Variants in INTS9 observed in about 807,000 individuals in gnomAD.
INTS9 encodes protein related to CPSF subunits of 74 kDa.
A neutral mutation model predicts 79.7 loss-of-function variants in INTS9; 55 were observed. The observed-to-expected ratio is 0.69, with a 90% CI of 0.56 to 0.86. The LOEUF (loss-of-function observed/expected upper bound fraction) is 0.86, where lower values mean the gene tolerates loss of function less well. Among genes scored for constraint, INTS9 ranks in the 40% least tolerant of loss-of-function variants. The pLI is 0.00. For missense variants in INTS9, 721 were observed against 831.5 expected (o/e 0.87, Z 1.64); for synonymous variants, 319 against 325.2 (o/e 0.98, Z 0.20).
At chr8:28,864,145 C>T (rs1042537167) in intron 1 of INTS9, among the ~76,000 whole-genome samples, 23 of 152,072 alleles carry the variant, frequency 1.5e-4, no homozygotes, top group African/African-American at 4.8e-4. Flanking sequence ...GAGTTCCAGG[C>T]GAGTCTGGAC....
At chr8:28,771,188 A>G in intron 14 of INTS9, 108 bp from the exon 15 acceptor site, 1 of 918,748 alleles carries the variant, frequency 1.1e-6, no homozygotes, top group South Asian at 1.4e-5. Context: ...AATAACTTTA[A>G]AGGTAAACAA....
chr8:28,812,535 A>T (rs1314090696), intron 7 of INTS9, 74 bp from the exon 8 acceptor site: 1 of 1,498,618 alleles, frequency 6.7e-7, no homozygotes, highest in African/African-American at 1.4e-5. Context: ...TGCAGGGAAA[A>T]ACAACAGAAA....
At chr8:28,814,439 A>G (rs895119694) in intron 6 of INTS9, among the ~76,000 whole-genome samples, 15 of 152,204 alleles carry the variant, frequency 9.9e-5, no homozygotes, top group African/African-American at 3.6e-4. Context: ...TAGGCCCAGG[A>G]AAGTTCAATG....
At position 28,813,484 on chromosome 8, in the gene INTS9, A is replaced by C. The variant is rs1225620621; in HGVS notation, c.609+8T>G. ...CATGAATAACTGAAATGTAATATGA[A>C]TACTCACAATTTTCTGAGAATATCC... On this transcript the variant is annotated splice_region_variant and intron_variant, in intron 7 of 16. Transcript: ENST00000521022. 1 of 1,612,110 alleles carries C rather than the reference A, an allele frequency of 6.2e-7. No homozygotes were observed. The highest frequency in any genetic ancestry group is 1.3e-5 in the African/African-American group (1 of 74,894).
At chr8:28,842,419 C>T (rs1807246234) in intron 4 of INTS9, among the ~76,000 whole-genome samples, 1 of 152,128 alleles carries the variant, frequency 6.6e-6, no homozygotes, top group South Asian at 2.1e-4. Context: ...GTTTCTGTGC[C>T]CACATCACAG....
intron 8 of INTS9, among the ~76,000 whole-genome samples, chr8:28,811,654 C>T (rs1357474182): frequency 6.6e-6 from 1 of 152,206 alleles, no homozygotes; most frequent in African/African-American, 2.4e-5. Flanking sequence ...CTCCTAGGCT[C>T]AAGCAGTTAT....
chr8:28,850,368 G>C, intron 2 of INTS9, 95 bp from the exon 3 acceptor site: 5 of 913,542 alleles, frequency 5.5e-6, no homozygotes, highest in Non-Finnish European at 8.4e-6. Flanking sequence ...GTTAAGAACA[G>C]TTTAAAATTA....
chr8:28,803,078 A>T (rs1224189553), intron 8 of INTS9, among the ~76,000 whole-genome samples: 1 of 152,124 alleles, frequency 6.6e-6, no homozygotes, highest in Non-Finnish European at 1.5e-5. Context: ...ATGCCACTGC[A>T]CTCCAACCTG....
intron 3 of INTS9, among the ~76,000 whole-genome samples, chr8:28,848,493 T>C (rs1056780856): frequency 6.6e-6 from 1 of 152,214 alleles, no homozygotes; most frequent in African/African-American, 2.4e-5. Flanking sequence ...ATGAGTACCA[T>C]TTAACTAGCG....
At chr8:28,869,880 C>G (rs950321208) in intron 1 of INTS9, among the ~76,000 whole-genome samples, 1 of 152,074 alleles carries the variant, frequency 6.6e-6, no homozygotes. Flanking sequence ...GTAACTGCCA[C>G]TTAGGGCTGC....
chr8:28,819,363 T>C (rs1316414138), intron 6 of INTS9, among the ~76,000 whole-genome samples: 3 of 152,078 alleles, frequency 2.0e-5, no homozygotes, highest in African/African-American at 7.2e-5. Context: ...TCTTTGTTCT[T>C]GTTGGTTTCA....
chr8:28,819,896 C>T (rs1467808703), intron 6 of INTS9, among the ~76,000 whole-genome samples: 2 of 152,170 alleles, frequency 1.3e-5, no homozygotes, highest in Non-Finnish European at 2.9e-5. Context: ...GATCCCTTTA[C>T]CATTATGTAA....
At chr8:28,798,180 C>G (rs1294198461) in intron 8 of INTS9, 1 of 152,224 alleles carries the variant, frequency 6.6e-6, no homozygotes, top group Non-Finnish European at 1.5e-5. Flanking sequence ...TTGTACTTCT[C>G]CAACAAATAC....
At chr8:28,814,282 TCTCACACA>T (rs1229905238) in intron 6 of INTS9, among the ~76,000 whole-genome samples, 14 of 88,150 alleles carry the variant, frequency 1.6e-4, no homozygotes, top group South Asian at 1.2e-3. Context: ...GAACAGGGCT[TCTCACACA>T]CACACACACA....
At chr8:28,843,423 T>C (rs1466192854) in intron 4 of INTS9, among the ~76,000 whole-genome samples, 1 of 152,268 alleles carries the variant, frequency 6.6e-6, no homozygotes, top group Non-Finnish European at 1.5e-5. Flanking sequence ...TTCTCCTCAA[T>C]GATTTTCTTA....
rs192930953 is a variant in INTS9, at chr8:28,803,855, T to C, written c.745-7200A>G. On this transcript the variant is annotated intron_variant, in intron 8 of 16. Coordinates refer to ENST00000521022, the MANE Select transcript of INTS9 (RefSeq NM_018250.4). ...AATAATATTATTTCAAAATAAGATGTCTATTATAACTCCTGACAAGACCAC... is the reference window on the plus strand; with the variant it reads ...AATAATATTATTTCAAAATAAGATGCCTATTATAACTCCTGACAAGACCAC... Among the ~76,000 whole-genome samples, 265 of 152,312 alleles carry C rather than the reference T, an allele frequency of 1.7e-3. 1 individual carries two copies. Among genetic ancestry groups the C allele is most frequent in the African/African-American group, 6.1e-3 (253 of 41,568 alleles).
At chr8:28,802,395 T>C (rs1441777861) in intron 8 of INTS9, among the ~76,000 whole-genome samples, 1 of 152,216 alleles carries the variant, frequency 6.6e-6, no homozygotes, top group Non-Finnish European at 1.5e-5. Context: ...GACATCCCCC[T>C]GTGGAATCCT....
chr8:28,837,556 G>T, intron 5 of INTS9, 81 bp downstream of exon 5: 1 of 1,457,670 alleles, frequency 6.9e-7, no homozygotes, highest in South Asian at 1.3e-5. Flanking sequence ...CACCAGCCCT[G>T]GTATAATACT....
intron 3 of INTS9, among the ~76,000 whole-genome samples, chr8:28,848,950 A>T (rs948231590): frequency 6.6e-6 from 1 of 152,194 alleles, no homozygotes; most frequent in Non-Finnish European, 1.5e-5. Flanking sequence ...TCAGGCTGAA[A>T]TCAGGTGCAC....
Sources: allele counts gnomAD v4.1 joint callset (sites outside exome capture counted in the v4.1 genomes callset), GRCh38; gene constraint gnomAD v4.1.1; transcripts MANE v1.5; gene names NCBI Gene and HGNC (gene_info 2026-07-23, HGNC 2026-07-21).